Variants in CTNNA2 observed in about 807,000 individuals in gnomAD.
CTNNA2 encodes catenin alpha 2.
A neutral mutation model predicts 101.0 loss-of-function variants in CTNNA2; 42 were observed. That is an observed-to-expected ratio of 0.42 (90% CI 0.32 to 0.54). The LOEUF (loss-of-function observed/expected upper bound fraction) is 0.54. Ranked by LOEUF, CTNNA2 falls within the 20% of genes least tolerant of loss-of-function variation. The pLI is 0.14. For synonymous variants in CTNNA2, 450 were observed against 456.4 expected, an observed-to-expected ratio of 0.99 and a Z score of 0.18; for missense variants, 871 against 1,223.1, an observed-to-expected ratio of 0.71 and a Z score of 4.29.
chr2:79,421,538 T>C (rs150727696), intron 4 of CTNNA2, among the ~76,000 whole-genome samples: 1 of 152,344 alleles, frequency 6.6e-6, no homozygotes, highest in African/African-American at 2.4e-5. Flanking sequence ...TTCCTTCATA[T>C]AGATGGCTAA....
intron 7 of CTNNA2, among the ~76,000 whole-genome samples, chr2:80,245,762 A>G (rs1209093797): frequency 6.8e-6 from 1 of 147,170 alleles, no homozygotes; most frequent in Admixed American, 6.8e-5. Context: ...TTTAATTTTG[A>G]ACAACCATTT....
At position 79,653,406 on chromosome 2, in the gene CTNNA2, A is replaced by G. The variant is rs75753262; in HGVS notation, c.102+1748A>G. The stretch of plus-strand genomic sequence containing the variant: ...TTCTCAAGAACATTGTGATTTTACT[A>G]TGCACATCTCCAGGATTCACTCCAT... On this transcript the variant is annotated intron_variant, in intron 2 of 18. Coordinates refer to ENST00000402739, the MANE Select transcript of CTNNA2 (RefSeq NM_001282597.3). 5.4e-3 allele frequency among the ~76,000 whole-genome samples: 827 copies of G among 152,204 alleles called. 31 individuals are homozygous for G. The East Asian group carries it at 0.073, about 13-fold the overall frequency.
chr2:79,597,702 C>T (rs1440456429), intron 1 of CTNNA2, among the ~76,000 whole-genome samples: 1 of 152,082 alleles, frequency 6.6e-6, no homozygotes, highest in Non-Finnish European at 1.5e-5. Context: ...AATATCCCAT[C>T]CCCACACGTG....
chr2:79,402,625 A>G (rs1259208203), intron 4 of CTNNA2, among the ~76,000 whole-genome samples: 1 of 151,702 alleles, frequency 6.6e-6, no homozygotes, highest in Non-Finnish European at 1.5e-5. Context: ...TAAATATCAT[A>G]CTGCATCATA....
At chr2:80,414,362 T>C (rs1679856064) in intron 8 of CTNNA2, among the ~76,000 whole-genome samples, 1 of 152,210 alleles carries the variant, frequency 6.6e-6, no homozygotes, top group Non-Finnish European at 1.5e-5. Context: ...CTTCACCTTT[T>C]AATTATTTCT....
At chr2:79,296,834 G>A (rs1171299118) in intron 2 of CTNNA2, among the ~76,000 whole-genome samples, 1 of 152,038 alleles carries the variant, frequency 6.6e-6, no homozygotes, top group Non-Finnish European at 1.5e-5. Context: ...ATTCAAAAAT[G>A]GTGCCAGTAG....
intron 2 of CTNNA2, among the ~76,000 whole-genome samples, chr2:79,707,651 A>T (rs1022278197): frequency 6.6e-6 from 1 of 152,196 alleles, no homozygotes; most frequent in South Asian, 2.1e-4. Context: ...TAGTACTTAT[A>T]TCTGTTTTAC....
chr2:79,748,627 CACA>C (rs1440804108), intron 3 of CTNNA2, among the ~76,000 whole-genome samples: 1 of 151,962 alleles, frequency 6.6e-6, no homozygotes, highest in African/African-American at 2.4e-5. Context: ...TTTGAAGTTT[CACA>C]ACATTCATTA....
At chr2:79,359,393 C>G (rs1273848472) in intron 3 of CTNNA2, among the ~76,000 whole-genome samples, 1 of 152,208 alleles carries the variant, frequency 6.6e-6, no homozygotes, top group Non-Finnish European at 1.5e-5. Flanking sequence ...AGGGCCCTAA[C>G]ATGACACCCC....
chr2:79,586,357 A>G (rs571242842), intron 1 of CTNNA2, among the ~76,000 whole-genome samples: 81 of 59,580 alleles, frequency 1.4e-3, no homozygotes, highest in African/African-American at 5.3e-3. Context: ...CAGATGTGTG[A>G]TAATCTGGCA....
At chr2:80,589,860 CTGTGTGTGTGTGTGTGTGTGTGTG>C (rs59206973) in intron 15 of CTNNA2, among the ~76,000 whole-genome samples, 2 of 140,482 alleles carry the variant, frequency 1.4e-5, no homozygotes, top group African/African-American at 2.6e-5. Flanking sequence ...ATATGTACCT[CTGTGTGTGTGTGTGTGTGTGTGTG>C]TGTGTGTGTG....
chr2:80,033,986 A>G (rs1695480558), intron 7 of CTNNA2, among the ~76,000 whole-genome samples: 1 of 151,564 alleles, frequency 6.6e-6, no homozygotes, highest in African/African-American at 2.4e-5. Flanking sequence ...AAAAAAAAAA[A>G]AAAAAAGCAC....
rs1365220360 is a variant in CTNNA2 at position 80,303,435 on chromosome 2, G to A, written c.1057-89776G>A. On this transcript the variant is annotated intron_variant, in intron 7 of 18. Transcript: ENST00000402739. This position sits in a 1 kb window ranked among gnomAD's most constrained non-coding sequence, Gnocchi z 7.7. ...GGCATGGGCCGGAAGGTGGTGTTGG[G>A]CAGTTGGGTGATCTGGTTGGAACTC... 1.2e-6 allele frequency: 2 copies of A among 1,614,104 alleles called. No homozygotes were observed. The highest frequency in any genetic ancestry group is 1.3e-5 in the African/African-American group (1 of 74,942).
intron 1 of CTNNA2, among the ~76,000 whole-genome samples, chr2:79,605,751 G>GATA (rs1033996163): frequency 1.6e-4 from 25 of 151,616 alleles, no homozygotes; most frequent in Non-Finnish European, 2.5e-4. Context: ...AAATAATGAT[G>GATA]ATAATAATAA....
intron 3 of CTNNA2, among the ~76,000 whole-genome samples, chr2:79,322,003 T>A (rs979190592): frequency 2.6e-5 from 4 of 152,232 alleles, no homozygotes; most frequent in African/African-American, 4.8e-5. Context: ...ATGCCTTTAG[T>A]CTTTTTATTT....
At chr2:80,522,597 C>T (rs936298265) in intron 9 of CTNNA2, among the ~76,000 whole-genome samples, 1 of 151,996 alleles carries the variant, frequency 6.6e-6, no homozygotes, top group African/African-American at 2.4e-5. Context: ...ATTGTAATCC[C>T]CAGTGTTGAA....
chr2:79,806,724 T>C (rs187879250), intron 3 of CTNNA2, among the ~76,000 whole-genome samples: 23 of 152,254 alleles, frequency 1.5e-4, no homozygotes, highest in Admixed American at 1.2e-3. Context: ...TAGTGGTCTC[T>C]TGGGGGTTGC....
intron 7 of CTNNA2, among the ~76,000 whole-genome samples, chr2:80,186,834 A>C (rs1193435640): frequency 6.6e-6 from 1 of 152,102 alleles, no homozygotes; most frequent in African/African-American, 2.4e-5. Context: ...CTACAATTTC[A>C]TGAGATAGTC....
intron 2 of CTNNA2, among the ~76,000 whole-genome samples, chr2:79,270,427 C>A (rs1675053899): frequency 6.6e-6 from 1 of 152,058 alleles, no homozygotes; most frequent in African/African-American, 2.4e-5. Context: ...GTCCCAAGGC[C>A]TCTTATCTGG....
Sources: gnomAD v4.1 joint callset for allele counts (sites outside exome capture counted in the v4.1 genomes callset) on GRCh38, gnomAD v4.1.1 for gene constraint, Gnocchi (gnomAD v3.1) non-coding constraint, MANE v1.5 for transcripts, NCBI Gene and HGNC (gene_info 2026-07-23, HGNC 2026-07-21) for gene names.